The following PRDM2 variants were observed in gnomAD, a reference collection of about 807,000 sequenced individuals.
PRDM2 encodes the protein PR domain zinc finger protein 2.
Under a neutral mutation model 130.0 loss-of-function variants are expected in PRDM2, and 30 were observed. That is an observed-to-expected ratio of 0.23 (90% confidence interval 0.17 to 0.31). PRDM2 has a LOEUF of 0.31. Ranked by LOEUF, PRDM2 falls within the 10% of genes least tolerant of loss-of-function variation. The pLI is 1.00. For synonymous variants in PRDM2, 871 were observed against 782.4 expected (o/e 1.11, Z -1.89); for missense variants, 2,011 against 2,108.4 (o/e 0.95, Z 0.90).
intron 2 of PRDM2, among the ~76,000 whole-genome samples, chr1:13,728,401 C>A (rs899791309): frequency 1.3e-5 from 2 of 152,184 alleles, no homozygotes; most frequent in African/African-American, 4.8e-5. Context: ...AGAAGTCCAG[C>A]CCATGAATCT....
chr1:13,710,977 C>T (rs1256984961), intron 1 of PRDM2, among the ~76,000 whole-genome samples: 2 of 151,372 alleles, frequency 1.3e-5, no homozygotes, highest in East Asian at 1.9e-4. Flanking sequence ...CCCAGCTACT[C>T]GGGAGGCTGA....
chr1:13,786,283 T>C (rs1570039179), intron 8 of PRDM2, among the ~76,000 whole-genome samples: 1 of 151,838 alleles, frequency 6.6e-6, no homozygotes, highest in Non-Finnish European at 1.5e-5. Context: ...AAAAAAAAAG[T>C]GCTAATTTCT....
intron 8 of PRDM2, among the ~76,000 whole-genome samples, chr1:13,811,158 T>C (rs1466390400): frequency 6.6e-6 from 1 of 151,960 alleles, no homozygotes; most frequent in Admixed American, 6.5e-5. Flanking sequence ...CACTCCAGCC[T>C]GAGCGACAGA....
chr1:13,799,660 C>T lies in PRDM2; in HGVS notation c.5037-16767C>T, dbSNP rs542736386. 5.9e-5 allele frequency among the ~76,000 whole-genome samples: 9 copies of T among 152,302 alleles called. No homozygotes were observed. In the South Asian group the frequency reaches 1.7e-3, roughly 28 times the overall value. On this transcript the variant is annotated intron_variant, in intron 8 of 9. Coordinates refer to ENST00000311066, the MANE Select transcript of PRDM2 (RefSeq NM_001393986.1). ...CTGACCACTGCTCATAGGGAGAGTC[C>T]GTGTGCTTCCATTCCCAGCAGCCAA... is the stretch of plus-strand genomic sequence containing the variant.
In PRDM2 at chr1:13,716,043, C is replaced by A. The variant is rs1642523836; in HGVS notation, c.9+429C>A. On this transcript the variant is annotated intron_variant, in intron 2 of 9. Coordinates refer to ENST00000311066, the MANE Select transcript of PRDM2 (RefSeq NM_001393986.1). ...TATTCACAATAGCAAAGACTTGGAA[C>A]CAACCCAAATGTCCAACAATGATAG... Among the ~76,000 whole-genome samples the A allele has an allele frequency of 2.0e-5, 3 of 151,994 alleles. No homozygotes were observed. The South Asian group carries it at 6.2e-4, about 32-fold the overall frequency.
chr1:13,786,551 C>G (rs949396136), intron 8 of PRDM2: 2 of 1,607,806 alleles, frequency 1.2e-6, no homozygotes, highest in East Asian at 2.2e-5. Context: ...ACAAAACAAA[C>G]CTTAATTGAC....
intron 9 of PRDM2, among the ~76,000 whole-genome samples, chr1:13,820,651 T>C (rs907897536): frequency 6.6e-5 from 10 of 152,152 alleles, no homozygotes; most frequent in African/African-American, 2.2e-4. Context: ...ATGCGCTCCC[T>C]CCTGGGGTCC....
In PRDM2 at chr1:13,780,904, G is replaced by A. The variant is rs149388765; in HGVS notation, c.3109G>A (p.Val1037Met). The A allele has an allele frequency of 1.2e-5, 19 of 1,608,876 alleles. No homozygotes were observed. The highest frequency in any genetic ancestry group is 1.7e-4 in the Middle Eastern group (1 of 6,056). ...CCCCTCTCCCTCTCCCATTCCTCCCGTGGAGCCCCTGATGTCTGCCGCCTC... is the reference window on the plus strand; with the variant it reads ...CCCCTCTCCCTCTCCCATTCCTCCCATGGAGCCCCTGATGTCTGCCGCCTC... ...VSPSPSPIPP[V>M]EPLMSAASPG... The change falls in exon 8 of 10, where the codon GTG becomes ATG. Residue 1037 changes from valine (V) to methionine (M), a missense_variant. Around this residue, in one of 5 missense-constraint regions of PRDM2, gnomAD observed 1,288 missense variants for 1,237.7 expected, o/e 1.04. Transcript: ENST00000311066.
intron 6 of PRDM2, chr1:13,769,295 T>C: frequency 2.4e-6 from 1 of 424,256 alleles, no homozygotes; most frequent in Non-Finnish European, 3.2e-6. Flanking sequence ...TTTTTTCTTT[T>C]AATTTGATGA....
chr1:13,781,161 G>A lies in PRDM2; in HGVS notation c.3366G>A (p.Gln1122=), dbSNP rs201179708. 1.1e-4 allele frequency: 174 copies of A among 1,614,178 alleles called. No homozygotes were observed. The highest frequency in any genetic ancestry group is 7.5e-4 in the African/African-American group (56 of 75,044). ...AAGAGCCCCAGTCTGCTGCTGAACAGGATGTTGTTGTTCAGGAAACATTCA... is the reference window on the plus strand; with the variant it reads ...AAGAGCCCCAGTCTGCTGCTGAACAAGATGTTGTTGTTCAGGAAACATTCA... ...PREEPQSAAE[Q]DVVVQETFNK... Residue 1122 remains glutamine (Q), a synonymous_variant, in exon 8 of 10, where the codon CAG becomes CAA. Transcript: ENST00000311066. The surrounding 1 kb of genome is among the most constrained non-coding windows in gnomAD (Gnocchi z 6.1).
intron 2 of PRDM2, among the ~76,000 whole-genome samples, chr1:13,730,248 C>A (rs1364534486): frequency 6.6e-6 from 1 of 152,162 alleles, no homozygotes; most frequent in Non-Finnish European, 1.5e-5. Flanking sequence ...CATATTCTCC[C>A]AGTTGGCTCA....
chr1:13,789,652 ATATTT>A (rs1317052355), intron 8 of PRDM2, among the ~76,000 whole-genome samples: 1 of 152,170 alleles, frequency 6.6e-6, no homozygotes. Flanking sequence ...AATGCATTTG[ATATTT>A]TATTCATGTG....
chr1:13,788,882 T>G (rs1644793820), intron 8 of PRDM2, among the ~76,000 whole-genome samples: 1 of 152,190 alleles, frequency 6.6e-6, no homozygotes, highest in Non-Finnish European at 1.5e-5. Flanking sequence ...GCGTCTTCTG[T>G]GTTTTAGCCT....
At chr1:13,737,048 A>C (rs1400373086) in intron 4 of PRDM2, among the ~76,000 whole-genome samples, 1 of 152,252 alleles carries the variant, frequency 6.6e-6, no homozygotes, top group African/African-American at 2.4e-5. Flanking sequence ...AGTCTTCGCT[A>C]TCTCAGTTCT....
rs189747807 is a variant in PRDM2 at position 13,723,839 on chromosome 1, G to A, written c.10-7161G>A. 4.7e-3 allele frequency among the ~76,000 whole-genome samples: 720 copies of A among 152,306 alleles called. 5 individuals carry two copies. The highest frequency in any genetic ancestry group is 0.016 in the African/African-American group (673 of 41,576). ...TTGATTGCCAGGCATTTGTTTGCCC[G>A]TTCGCAGTGACCACTGCTCTGAGCT... On this transcript the variant is annotated intron_variant, in intron 2 of 9. Transcript: ENST00000311066.
At position 13,779,475 on chromosome 1, in the gene PRDM2, C is replaced by T; in HGVS notation, c.1680C>T (p.Ser560=). 1 of 1,614,056 alleles carries T rather than the reference C, an allele frequency of 6.2e-7. No individual in the cohort carries two copies. Among genetic ancestry groups the T allele is most frequent in the Non-Finnish European group, 8.5e-7 (1 of 1,179,930 alleles). The part of the protein sequence containing the change: ...ADDVYIMDIS[S]NISENLNYYI... ...ATGTGTACATCATGGACATTTCTAG[C>T]AATATCTCTGAAAACTTAAATTACT... The change falls in exon 8 of 10, where the codon AGC becomes AGT. Residue 560 remains serine, a synonymous_variant. Transcript: ENST00000311066. The surrounding 1 kb of genome is among the most constrained non-coding windows in gnomAD (Gnocchi z 4.9).
intron 2 of PRDM2, among the ~76,000 whole-genome samples, chr1:13,716,086 G>A (rs1174724093): frequency 6.6e-6 from 1 of 152,044 alleles, no homozygotes; most frequent in African/African-American, 2.4e-5. Context: ...TTAAGAAAAT[G>A]TGGCACATAT....
Position 13,823,393 on chromosome 1 carries a change from G to A in PRDM2, c.*258G>A. On this transcript the variant is annotated 3_prime_UTR_variant, in exon 10 of 10. Coordinates refer to ENST00000311066, the MANE Select transcript of PRDM2 (RefSeq NM_001393986.1). ...GGGGCCGACTCCACGCTGTCCTTTG[G>A]GATGATACTTGGATGCAGCTCTTGG... 1.7e-6 allele frequency: 1 copy of A among 603,898 alleles called. No individual in the cohort carries two copies. Among genetic ancestry groups the A allele is most frequent in the South Asian group, 2.0e-5 (1 of 49,820 alleles). The allele number at this position is 603,898 out of a possible 1,614,324, so 37.4% of individuals were successfully genotyped here. A position where few individuals can be genotyped will look rare whatever the true frequency, so the allele number is the denominator to read the frequency against.
chr1:13,772,181 C>G (rs1644374860), intron 6 of PRDM2: 1 of 152,038 alleles, frequency 6.6e-6, no homozygotes, highest in Non-Finnish European at 1.5e-5. Flanking sequence ...GATCTGAAGA[C>G]TGAAACACCA....
Sources: gnomAD v4.1 joint callset for allele counts (sites outside exome capture counted in the v4.1 genomes callset) on GRCh38, gnomAD v4.1.1 for gene constraint, gnomAD v4.1.1 regional missense constraint, Gnocchi (gnomAD v3.1) non-coding constraint, MANE v1.5 for transcripts, NCBI Gene and HGNC (gene_info 2026-07-23, HGNC 2026-07-21) for gene names.